Variants in TTC3 observed in about 807,000 individuals in gnomAD.
TTC3 encodes E3 ubiquitin-protein ligase TTC3.
In TTC3, 180 loss-of-function variants were observed where a neutral mutation model predicts 249.6. That is an observed-to-expected ratio of 0.72 (90% confidence interval 0.64 to 0.82). TTC3 has a LOEUF of 0.82. TTC3 is among the 40% of genes least tolerant of loss of function. TTC3 has a pLI of 0.00. For synonymous variants in TTC3, 717 were observed against 805.0 expected, an observed-to-expected ratio of 0.89 and a Z score of 1.85; for missense variants, 2,061 against 2,398.4, an observed-to-expected ratio of 0.86 and a Z score of 2.94.
exon 46 of TTC3, chr21:37,201,916 C>A: frequency 5.0e-6 from 1 of 201,312 alleles, no homozygotes; most frequent in Non-Finnish European, 9.5e-6. Flanking sequence ...CCAAGCGCCC[C>A]ACGTTTGTTC....
At chr21:37,191,542 T>C in intron 40 of TTC3, 118 bp downstream of exon 40, 1 of 602,224 alleles carries the variant, frequency 1.7e-6, no homozygotes, top group Non-Finnish European at 2.6e-6. Context: ...TAATTTTTTT[T>C]GTTGAAAGTA....
chr21:37,197,915 C>T (rs1212293889), exon 44 of TTC3: 1 of 1,613,974 alleles, frequency 6.2e-7, no homozygotes, highest in Admixed American at 1.7e-5. Flanking sequence ...GACTTATGAG[C>T]CCAGCTCTGC....
At chr21:37,159,111 A>G (rs2080424850) in intron 28 of TTC3, among the ~76,000 whole-genome samples, 1 of 152,142 alleles carries the variant, frequency 6.6e-6, no homozygotes, top group Non-Finnish European at 1.5e-5. Flanking sequence ...TCTATCTCTG[A>G]GCACACACCC....
intron 35 of TTC3, among the ~76,000 whole-genome samples, chr21:37,175,221 G>A (rs185747248): frequency 1.4e-4 from 18 of 125,936 alleles, no homozygotes; most frequent in East Asian, 4.8e-4. Context: ...CCGAGATCAC[G>A]CCACTGCACT....
rs149888012 is a variant in TTC3 at position 37,189,648 on chromosome 21, C to T, written c.5024+1053C>T. Among the ~76,000 whole-genome samples the T allele has an allele frequency of 3.4e-3, 510 of 151,956 alleles. 2 individuals are homozygous for T. The highest frequency in any genetic ancestry group is 6.4e-3 in the Non-Finnish European group (434 of 67,928). ...CTGCAAGCTCTGCCTCCCGAGTTCA[C>T]GCCATTCTCCTGCCTTAGCCTCCTG... On this transcript the variant is annotated intron_variant, in intron 39 of 45. Coordinates refer to ENST00000355666, the Ensembl canonical transcript of TTC3.
chr21:37,131,015 G>A (rs1431218842), intron 16 of TTC3, among the ~76,000 whole-genome samples: 10 of 152,236 alleles, frequency 6.6e-5, no homozygotes, highest in East Asian at 1.9e-4. Flanking sequence ...TTCACACTCC[G>A]ACTAATCTAC....
At chr21:37,143,422 A>G (rs2147972944) in intron 20 of TTC3, among the ~76,000 whole-genome samples, 1 of 152,308 alleles carries the variant, frequency 6.6e-6, no homozygotes, top group Middle Eastern at 3.4e-3. Flanking sequence ...CCCATCAAAA[A>G]GTGGGCAAAG....
At chr21:37,094,137 CT>C in intron 8 of TTC3, 47 bp downstream of exon 8, 1 of 1,107,374 alleles carries the variant, frequency 9.0e-7, no homozygotes, top group Non-Finnish European at 1.3e-6. Flanking sequence ...CCCATTAGAA[CT>C]TTTTAACACT....
At chr21:37,118,524 C>T (rs539406838) in intron 11 of TTC3, among the ~76,000 whole-genome samples, 335 of 152,242 alleles carry the variant, frequency 2.2e-3, no homozygotes, top group African/African-American at 7.8e-3. Context: ...CAGAAATGTC[C>T]TCAAGAACAT....
intron 11 of TTC3, among the ~76,000 whole-genome samples, chr21:37,120,817 C>T (rs540010841): frequency 1.3e-5 from 2 of 152,254 alleles, no homozygotes; most frequent in African/African-American, 2.4e-5. Flanking sequence ...TTCTTAAAAG[C>T]GTTGTTTGTT....
chr21:37,197,901 A>G (rs373810583), exon 44 of TTC3: 1 of 1,613,770 alleles, frequency 6.2e-7, no homozygotes, highest in East Asian at 2.2e-5. Flanking sequence ...GGAAAGGACA[A>G]GAGGACTTAT....
chr21:37,201,349 G>A (rs530844533), intron 45 of TTC3, 91 bp from the exon 46 acceptor site: 19 of 1,557,400 alleles, frequency 1.2e-5, no homozygotes, highest in South Asian at 2.2e-5. Context: ...GGGCAAGTGA[G>A]CCACGCCTGC....
intron 27 of TTC3, among the ~76,000 whole-genome samples, chr21:37,154,661 C>T (rs538860688): frequency 6.6e-6 from 1 of 152,198 alleles, no homozygotes; most frequent in Admixed American, 6.5e-5. Context: ...AAAGGGTGAA[C>T]ATGTCTTTTG....
rs549423417 is a variant in TTC3, at chr21:37,153,050, C to T, written c.2513C>T (p.Thr838Ile). ...AAGATTAAATCCGGCATACAGAATA[C>T]AGCCATGCTTCTCAAAGAATTGCTT... The change falls in exon 27 of 46, where the codon ACA (threonine) becomes ATA (isoleucine). Residue 838 changes from threonine (T) to isoleucine (I), a missense_variant. By Grantham distance (89) the Thr-to-Ile change is moderately conservative. This residue lies in a region of TTC3 where 989 missense variants were observed against 1,145.1 expected (regional missense o/e 0.86). Coordinates refer to ENST00000355666, the Ensembl canonical transcript of TTC3. The T allele has an allele frequency of 1.1e-5, 18 of 1,613,952 alleles. No individual in the cohort carries two copies. The African/African-American group carries it at 1.7e-4, about 16-fold the overall frequency.
At position 37,191,326 on chromosome 21, in the gene TTC3, T is replaced by A. The variant is rs1271654384; in HGVS notation, c.5025-8T>A. 3.2e-6 allele frequency: 5 copies of A among 1,572,666 alleles called. No individual in the cohort carries two copies. The highest frequency in any genetic ancestry group is 3.4e-6 in the Non-Finnish European group (4 of 1,164,898). The stretch of plus-strand genomic sequence containing the variant: ...TTTCTAAAGCAGTTTTATATTATAC[T>A]TTTTCAGTGATCCTGCAGCATATCC... On this transcript the variant is annotated splice_polypyrimidine_tract_variant and splice_region_variant and intron_variant, in intron 39 of 45. Coordinates refer to ENST00000355666, the Ensembl canonical transcript of TTC3.
intron 35 of TTC3, among the ~76,000 whole-genome samples, chr21:37,177,200 C>T (rs1241952310): frequency 6.6e-6 from 1 of 152,126 alleles, no homozygotes; most frequent in Non-Finnish European, 1.5e-5. Context: ...ACATGTCTTG[C>T]ATCTTCCACC....
chr21:37,141,480 T>C (rs559816759), intron 20 of TTC3, among the ~76,000 whole-genome samples: 3 of 151,988 alleles, frequency 2.0e-5, no homozygotes, highest in Admixed American at 6.6e-5. Flanking sequence ...TAAAGAAAGT[T>C]TTTTTTTGGC....
chr21:37,150,696 A>G, intron 24 of TTC3, 124 bp from the exon 25 acceptor site: 1 of 703,242 alleles, frequency 1.4e-6, no homozygotes, highest in South Asian at 1.7e-5. Flanking sequence ...GGGTCAGAAC[A>G]TCATCACTGT....
At chr21:37,114,349 AC>A (rs1401916622) in intron 11 of TTC3, among the ~76,000 whole-genome samples, 2 of 152,200 alleles carry the variant, frequency 1.3e-5, no homozygotes, top group Non-Finnish European at 2.9e-5. Context: ...CAAGAAAAAA[AC>A]AACCCCATCA....
Sources: gnomAD v4.1 joint callset for allele counts (sites outside exome capture counted in the v4.1 genomes callset) on GRCh38, gnomAD v4.1.1 for gene constraint, gnomAD v4.1.1 regional missense constraint, MANE v1.5 for transcripts, NCBI Gene and HGNC (gene_info 2026-07-23, HGNC 2026-07-21) for gene names.